NAALADL2: variants seen among roughly 807,000 people sequenced by gnomAD.
The protein encoded by NAALADL2 is inactive N-acetylated-alpha-linked acidic dipeptidase-like protein 2.
NAALADL2 carries 76 observed loss-of-function variants against 87.2 expected under a neutral mutation model. That is an observed-to-expected ratio of 0.87 (90% CI 0.72 to 1.05). The LOEUF is 1.05. Ranked by LOEUF, NAALADL2 falls within the 50% of genes least tolerant of loss-of-function variation. The pLI is 0.00. For missense variants in NAALADL2, 1,089 were observed against 945.8 expected (o/e 1.15, Z -1.99); for synonymous variants, 354 against 331.0 (o/e 1.07, Z -0.75).
At chr3:175,468,487 T>C (rs1166480305) in intron 8 of NAALADL2, among the ~76,000 whole-genome samples, 1 of 152,060 alleles carries the variant, frequency 6.6e-6, no homozygotes, top group Non-Finnish European at 1.5e-5. Flanking sequence ...ATCTATACCA[T>C]TTTTAATACA....
At chr3:175,323,973 A>C (rs1246298213) in intron 4 of NAALADL2, among the ~76,000 whole-genome samples, 4 of 148,536 alleles carry the variant, frequency 2.7e-5, no homozygotes, top group Non-Finnish European at 4.4e-5. Context: ...AGCTGAGATC[A>C]CGCTACTGCA....
Position 175,571,699 on chromosome 3 carries a change from A to G in NAALADL2, c.1654-4342A>G, listed in dbSNP as rs917631666. ...GTGAATTTGGCCTTAAATTCATTAC[A>G]TTAAAGTAATGAATAATGAAGATTT... On this transcript the variant is annotated intron_variant, in intron 9 of 13. Transcript: ENST00000454872. Among the ~76,000 whole-genome samples, 3 of 152,178 alleles carry G rather than the reference A, an allele frequency of 2.0e-5. No individual in the cohort carries two copies. The South Asian group carries it at 6.2e-4, about 31-fold the overall frequency.
In NAALADL2 at chr3:174,667,820, T is replaced by C. The variant is rs139733977; in HGVS notation, c.-114-69821T>C. On this transcript the variant is annotated intron_variant, in intron 2 of 3. Transcript: ENST00000434257. ...AGTAGGAAGTGGAGAACAGGAGGAA[T>C]TGGAAAAAAGAAGAGAAAATAACAA... Among the ~76,000 whole-genome samples, 392 of 152,080 alleles carry C rather than the reference T, an allele frequency of 2.6e-3. 1 individual carries two copies. The highest frequency in any genetic ancestry group is 8.8e-3 in the African/African-American group (366 of 41,530).
At chr3:175,077,501 G>A (rs1194812191) in intron 1 of NAALADL2, among the ~76,000 whole-genome samples, 6 of 152,066 alleles carry the variant, frequency 3.9e-5, no homozygotes, top group African/African-American at 1.2e-4. Context: ...AAAAATCACA[G>A]GCAGAAATAT....
At chr3:175,718,224 G>GTTTTAAAA in intron 11 of NAALADL2, 4 of 191,552 alleles carry the variant, frequency 2.1e-5, no homozygotes, top group South Asian at 6.1e-5. Flanking sequence ...TTTTTTTTTT[G>GTTTTAAAA]ATTAGTTGCT....
intron 1 of NAALADL2, among the ~76,000 whole-genome samples, chr3:175,001,559 C>A (rs80323148): frequency 0.024 from 3,693 of 152,180 alleles, 126 homozygotes; most frequent in East Asian, 0.17. Flanking sequence ...TTATTTCATT[C>A]TTTTGGGAGT....
At chr3:175,695,412 G>A (rs1737635028) in intron 11 of NAALADL2, among the ~76,000 whole-genome samples, 1 of 151,976 alleles carries the variant, frequency 6.6e-6, no homozygotes, top group South Asian at 2.1e-4. Context: ...TTCTCAAACT[G>A]TAGATGCCAC....
intron 1 of NAALADL2, among the ~76,000 whole-genome samples, chr3:174,507,544 A>G (rs138220489): frequency 0.01 from 1,578 of 151,824 alleles, 22 homozygotes; most frequent in Non-Finnish European, 0.015. Context: ...CTTCTCCACA[A>G]TTTTTCTTAC....
intron 1 of NAALADL2, among the ~76,000 whole-genome samples, chr3:174,897,740 A>G (rs533096845): frequency 1.7e-4 from 26 of 152,328 alleles, no homozygotes; most frequent in African/African-American, 2.6e-4. Context: ...AGCATTACAT[A>G]CAATAGTTAG....
intron 9 of NAALADL2, among the ~76,000 whole-genome samples, chr3:175,506,104 G>T (rs1378878916): frequency 6.6e-6 from 1 of 152,108 alleles, no homozygotes; most frequent in Non-Finnish European, 1.5e-5. Flanking sequence ...CTAAAATTAT[G>T]AGCGGTAGCA....
chr3:175,014,698 GTTACTTGTATT>G (rs1409826370), intron 1 of NAALADL2, among the ~76,000 whole-genome samples: 1 of 152,010 alleles, frequency 6.6e-6, no homozygotes, highest in Non-Finnish European at 1.5e-5. Context: ...ATGTTTCAAA[GTTACTTGTATT>G]TTACAGGATT....
At chr3:175,244,484 C>T (rs938265309) in intron 3 of NAALADL2, among the ~76,000 whole-genome samples, 6 of 152,258 alleles carry the variant, frequency 3.9e-5, no homozygotes, top group African/African-American at 1.4e-4. Context: ...AACCGAGATA[C>T]TGTCACGTTG....
intron 13 of NAALADL2, among the ~76,000 whole-genome samples, chr3:175,779,900 T>G (rs1477458206): frequency 6.6e-6 from 1 of 152,168 alleles, no homozygotes; most frequent in Non-Finnish European, 1.5e-5. Context: ...CTATCACATG[T>G]AATATTTTGT....
At chr3:175,747,180 T>C (rs568390994) in intron 12 of NAALADL2, among the ~76,000 whole-genome samples, 1 of 152,318 alleles carries the variant, frequency 6.6e-6, no homozygotes, top group African/African-American at 2.4e-5. Flanking sequence ...TCACCTAATG[T>C]CCCTTAATTA....
At chr3:175,357,116 A>G (rs1244379931) in intron 5 of NAALADL2, among the ~76,000 whole-genome samples, 1 of 152,056 alleles carries the variant, frequency 6.6e-6, no homozygotes, top group Non-Finnish European at 1.5e-5. Context: ...AAACATTTTT[A>G]TATCCTCTCC....
intron 9 of NAALADL2, 30 bp downstream of exon 9, chr3:175,471,788 T>G (rs1724945385): frequency 3.2e-6 from 5 of 1,562,450 alleles, no homozygotes; most frequent in Non-Finnish European, 4.3e-6. Flanking sequence ...TATCAAATGA[T>G]TATGCAAAAC....
chr3:174,692,805 A>G (rs931255943), intron 2 of NAALADL2, among the ~76,000 whole-genome samples: 3 of 151,894 alleles, frequency 2.0e-5, no homozygotes, highest in Non-Finnish European at 4.4e-5. Flanking sequence ...GGAAGTATAT[A>G]TGTAAAAATG....
intron 3 of NAALADL2, among the ~76,000 whole-genome samples, chr3:175,245,047 ACC>A (rs1199814396): frequency 2.0e-5 from 3 of 151,856 alleles, no homozygotes. Flanking sequence ...TCTCTTTAAT[ACC>A]CTCTTTCTTG....
intron 1 of NAALADL2, among the ~76,000 whole-genome samples, chr3:175,048,169 G>A (rs530569101): frequency 6.6e-6 from 1 of 152,180 alleles, no homozygotes; most frequent in Admixed American, 6.5e-5. Flanking sequence ...TTGAGTGTGG[G>A]TTTTTCCCCC....
Sources: gnomAD v4.1 joint callset for allele counts (sites outside exome capture counted in the v4.1 genomes callset) on GRCh38, gnomAD v4.1.1 for gene constraint, MANE v1.5 for transcripts, NCBI Gene and HGNC (gene_info 2026-07-23, HGNC 2026-07-21) for gene names.